The following KIF3B variants were observed in gnomAD, a reference collection of about 807,000 sequenced individuals.
KIF3B encodes kinesin-like protein KIF3B.
KIF3B carries 38 observed loss-of-function variants against 74.3 expected under a neutral mutation model. That is an observed-to-expected ratio of 0.51 (90% confidence interval 0.39 to 0.67). KIF3B has a LOEUF of 0.67. KIF3B is among the 30% of genes least tolerant of loss of function. The probability of loss-of-function intolerance (pLI) is 0.00; values close to 1 mark genes in which losing one functional copy is unlikely to be tolerated. For synonymous variants in KIF3B, 326 were observed against 342.5 expected, an observed-to-expected ratio of 0.95 and a Z score of 0.53; for missense variants, 649 against 932.0, an observed-to-expected ratio of 0.70 and a Z score of 3.95.
intron 1 of KIF3B, among the ~76,000 whole-genome samples, chr20:32,278,643 G>A (rs2047627517): frequency 6.6e-6 from 1 of 152,142 alleles, no homozygotes. Flanking sequence ...GAAACTCTTT[G>A]AGGTCAACCC....
At chr20:32,331,129 TG>T in intron 8 of KIF3B, 93 bp from the exon 9 acceptor site, 1 of 956,054 alleles carries the variant, frequency 1.0e-6, no homozygotes, top group Non-Finnish European at 1.7e-6. Flanking sequence ...TTCAGGCCAT[TG>T]AAGAATGGCC....
At chr20:32,323,262 A>G (rs989075802) in intron 5 of KIF3B, among the ~76,000 whole-genome samples, 2 of 146,866 alleles carry the variant, frequency 1.4e-5, no homozygotes, top group African/African-American at 5.0e-5. Context: ...GTTTCTTAGT[A>G]TTTTCTAGTA....
At chr20:32,326,701 A>G in intron 5 of KIF3B, 70 bp from the exon 6 acceptor site, 4 of 710,180 alleles carry the variant, frequency 5.6e-6, no homozygotes, top group South Asian at 1.7e-5. Context: ...CTCACCATGC[A>G]TGAGACCAGA....
intron 1 of KIF3B, among the ~76,000 whole-genome samples, chr20:32,299,403 A>ATATATATATATATATATATATT (rs1555895046): frequency 1.1e-4 from 1 of 9,026 alleles, no homozygotes. Flanking sequence ...ATATATATAT[A>ATATATATATATATATATATATT]TTTTTTTTTT....
At chr20:32,323,183 T>C (rs1297278349) in intron 5 of KIF3B, among the ~76,000 whole-genome samples, 2 of 130,330 alleles carry the variant, frequency 1.5e-5, no homozygotes, top group East Asian at 2.1e-4. Flanking sequence ...TATATATTTA[T>C]ATATATTTAT....
intron 1 of KIF3B, among the ~76,000 whole-genome samples, chr20:32,308,756 C>T (rs1187292829): frequency 1.4e-5 from 2 of 142,282 alleles, no homozygotes; most frequent in South Asian, 2.2e-4. Flanking sequence ...GACGGAGTCT[C>T]GCTTTGTCAC....
At chr20:32,289,197 GTTTTTTTTTT>G (rs36069389) in intron 1 of KIF3B, among the ~76,000 whole-genome samples, 1 of 126,886 alleles carries the variant, frequency 7.9e-6, no homozygotes, top group East Asian at 2.7e-4. Flanking sequence ...TACTGGTCTG[GTTTTTTTTTT>G]TTTTTTTTTG....
intron 4 of KIF3B, 53 bp downstream of exon 4, chr20:32,316,702 G>C: frequency 1.2e-6 from 2 of 1,613,642 alleles, no homozygotes; most frequent in Non-Finnish European, 1.7e-6. Flanking sequence ...GGGAAAGGGA[G>C]AACTCTACCC....
At chr20:32,282,712 G>A (rs916562661) in intron 1 of KIF3B, among the ~76,000 whole-genome samples, 2 of 152,228 alleles carry the variant, frequency 1.3e-5, no homozygotes, top group African/African-American at 2.4e-5. Flanking sequence ...AGCTCTGGAA[G>A]AGGGAGCGGA....
chr20:32,309,927 C>T lies in KIF3B; in HGVS notation c.150C>T (p.Ala50=). The T allele has an allele frequency of 6.2e-7, 1 of 1,614,082 alleles. No homozygotes were observed. Among genetic ancestry groups the T allele is most frequent in the Non-Finnish European group, 8.5e-7 (1 of 1,180,034 alleles). Reference sequence around the variant, plus strand: ...CTGTGAAGAACCCCAAAGGGACGGCCCATGAAATGCCCAAGACCTTCACCT... The same window carrying T: ...CTGTGAAGAACCCCAAAGGGACGGCTCATGAAATGCCCAAGACCTTCACCT... The part of the protein sequence containing the change: ...QVSVKNPKGT[A]HEMPKTFTFD... The change falls in exon 2 of 9, where the codon GCC becomes GCT. Residue 50 remains alanine (A), a synonymous_variant. Coordinates refer to ENST00000375712, the MANE Select transcript of KIF3B (RefSeq NM_004798.4).
intron 5 of KIF3B, among the ~76,000 whole-genome samples, chr20:32,319,390 C>CA (rs2047845571): frequency 6.6e-6 from 1 of 151,542 alleles, no homozygotes; most frequent in Admixed American, 6.6e-5. Context: ...GTTGAGCATC[C>CA]TTTCACGGGC....
intron 7 of KIF3B, among the ~76,000 whole-genome samples, chr20:32,328,475 A>C (rs186717635): frequency 5.9e-5 from 9 of 151,852 alleles, no homozygotes; most frequent in African/African-American, 9.7e-5. Flanking sequence ...GTATGGTGGC[A>C]GGCACCTGTA....
At chr20:32,291,855 G>T (rs1312171143) in intron 1 of KIF3B, among the ~76,000 whole-genome samples, 4 of 151,948 alleles carry the variant, frequency 2.6e-5, no homozygotes, top group Non-Finnish European at 5.9e-5. Flanking sequence ...GACCTCGAGT[G>T]ATGCACCCTC....
chr20:32,307,657 C>CT (rs2047778345), intron 1 of KIF3B, among the ~76,000 whole-genome samples: 1 of 152,060 alleles, frequency 6.6e-6, no homozygotes, highest in African/African-American at 2.4e-5. Flanking sequence ...GAATATAAGA[C>CT]TTTTTTTCAT....
At chr20:32,288,729 C>T (rs1319847356) in intron 1 of KIF3B, among the ~76,000 whole-genome samples, 1 of 152,030 alleles carries the variant, frequency 6.6e-6, no homozygotes, top group East Asian at 1.9e-4. Flanking sequence ...ATTGGAGTCT[C>T]ACTCTGTCGC....
At chr20:32,330,094 T>C in intron 7 of KIF3B, 47 bp from the exon 8 acceptor site, 1 of 1,565,884 alleles carries the variant, frequency 6.4e-7, no homozygotes, top group Non-Finnish European at 8.7e-7. Flanking sequence ...GTACTGCCTG[T>C]GTCCAGTTGG....
chr20:32,299,366 G>A, intron 1 of KIF3B, among the ~76,000 whole-genome samples: 1 of 103,782 alleles, frequency 9.6e-6, no homozygotes, highest in Non-Finnish European at 1.8e-5. Context: ...TGTAACTACT[G>A]AATGGTGTGT....
In KIF3B at chr20:32,309,741, T is replaced by C; in HGVS notation, c.-37T>C. ...CGTAGCATCCTGAGACATTTTGAAT[T>C]GACACTTCTCAAGATTTGACTGGAT... On this transcript the variant is annotated 5_prime_UTR_variant, in exon 2 of 9. Coordinates refer to ENST00000375712, the MANE Select transcript of KIF3B (RefSeq NM_004798.4). 3.2e-6 allele frequency: 5 copies of C among 1,583,052 alleles called. No individual in the cohort carries two copies. Among genetic ancestry groups the C allele is most frequent in the Non-Finnish European group, 4.3e-6 (5 of 1,163,956 alleles).
chr20:32,281,997 T>C (rs983073249), intron 1 of KIF3B, among the ~76,000 whole-genome samples: 1 of 152,130 alleles, frequency 6.6e-6, no homozygotes, highest in African/African-American at 2.4e-5. Flanking sequence ...TACAGGACCT[T>C]GTCTGCTAGA....
Sources: allele counts gnomAD v4.1 joint callset (sites outside exome capture counted in the v4.1 genomes callset), GRCh38; gene constraint gnomAD v4.1.1; transcripts MANE v1.5; gene names NCBI Gene and HGNC (gene_info 2026-07-23, HGNC 2026-07-21).